Variants in ZNF37A observed in about 807,000 individuals in gnomAD.
ZNF37A encodes zinc finger protein 37a (KOX 21).
Under a neutral mutation model 12.3 loss-of-function variants are expected in ZNF37A, and 10 were observed. The observed-to-expected ratio is 0.82, with a 90% confidence interval of 0.50 to 1.38. The LOEUF (loss-of-function observed/expected upper bound fraction) is 1.38. Ranked by LOEUF, ZNF37A falls within the 40% of genes most tolerant of loss-of-function variation. The probability of loss-of-function intolerance (pLI) is 0.00; values close to 1 mark genes in which losing one functional copy is unlikely to be tolerated. For missense variants in ZNF37A, 580 were observed against 651.2 expected, an observed-to-expected ratio of 0.89 and a Z score of 1.19; for synonymous variants, 207 against 223.0, an observed-to-expected ratio of 0.93 and a Z score of 0.64.
chr10:38,146,467 T>C (rs1036498329), intron 7 of ZNF37A, among the ~76,000 whole-genome samples: 3 of 152,120 alleles, frequency 2.0e-5, no homozygotes, highest in Admixed American at 6.5e-5. Context: ...GACTTAGGGA[T>C]AAATTAATTA....
chr10:38,138,940 A>G (rs1042315870), intron 7 of ZNF37A: 1 of 152,164 alleles, frequency 6.6e-6, no homozygotes, highest in African/African-American at 2.4e-5. Flanking sequence ...CCTCTGGTTC[A>G]TTTTGAATAT....
Position 38,119,617 on chromosome 10 carries a change from T to TA in ZNF37A, c.*781dup, listed in dbSNP as rs1210069864. 2 of 169,354 alleles carry TA rather than the reference T, an allele frequency of 1.2e-5. No homozygotes were observed. Among genetic ancestry groups the TA allele is most frequent in the African/African-American group, 2.4e-5 (1 of 41,774 alleles). The allele number at this position is 169,354 out of a possible 1,614,324, so 10.5% of individuals were successfully genotyped here. A position where few individuals can be genotyped will look rare whatever the true frequency, so the allele number is the denominator to read the frequency against. ...GAGAAATAGCATTTTACTTTGTTAA[T>TA]ATCTAGTTTAGTTCATTGTCAAGAC... is the stretch of plus-strand genomic sequence containing the variant. On this transcript the variant is annotated 3_prime_UTR_variant, in exon 8 of 8. Coordinates refer to ENST00000685332, the MANE Select transcript of ZNF37A (RefSeq NM_001324250.3).
In ZNF37A at chr10:38,119,037, G is replaced by C; in HGVS notation, c.*200G>C. ...CATACACTATGTTACAAAACTAAAA[G>C]TGGAAAAAACTTATTGGTGAATGAA... On this transcript the variant is annotated 3_prime_UTR_variant, in exon 8 of 8. Transcript: ENST00000685332. 1 of 1,261,588 alleles carries C rather than the reference G, an allele frequency of 7.9e-7. No homozygotes were observed. The highest frequency in any genetic ancestry group is 1.0e-6 in the Non-Finnish European group (1 of 1,003,664). The allele number at this position is 1,261,588 out of a possible 1,614,324, so 78.1% of individuals were successfully genotyped here. A position where few individuals can be genotyped will look rare whatever the true frequency, so the allele number is the denominator to read the frequency against.
downstream of ZNF37A, among the ~76,000 whole-genome samples, chr10:38,127,301 G>A (rs780844241): frequency 3.3e-5 from 5 of 152,148 alleles, no homozygotes; most frequent in Non-Finnish European, 1.5e-5. Context: ...GGTCTAGAGC[G>A]AGGACCCTCA....
chr10:38,108,706 C>G (rs1316890674), intron 5 of ZNF37A, among the ~76,000 whole-genome samples: 2 of 152,258 alleles, frequency 1.3e-5, no homozygotes, highest in Non-Finnish European at 1.5e-5. Context: ...CTATAAACAC[C>G]TCTATGCAAA....
intron 5 of ZNF37A, among the ~76,000 whole-genome samples, chr10:38,113,324 T>C (rs2068979884): frequency 6.9e-6 from 1 of 144,808 alleles, no homozygotes; most frequent in Admixed American, 7.2e-5. Flanking sequence ...GCAATTCTCC[T>C]CCCTCAGCCT....
intron 7 of ZNF37A, chr10:38,140,230 G>A (rs1160343681): frequency 6.6e-6 from 1 of 152,126 alleles, no homozygotes; most frequent in Non-Finnish European, 1.5e-5. Flanking sequence ...TATTCCAAGA[G>A]GAAAAAGAAA....
intron 4 of ZNF37A, 103 bp from the exon 5 acceptor site, chr10:38,096,471 T>C: frequency 1.4e-6 from 1 of 727,162 alleles, no homozygotes; most frequent in Non-Finnish European, 2.4e-6. Flanking sequence ...GCCAGAGTCA[T>C]GCATGGGCGT....
intron 5 of ZNF37A, among the ~76,000 whole-genome samples, chr10:38,100,429 C>T (rs1354212576): frequency 2.0e-5 from 3 of 152,132 alleles, no homozygotes; most frequent in African/African-American, 4.8e-5. Context: ...GCCTACAGAC[C>T]ATAGGAGACG....
chr10:38,119,497 T>C lies in ZNF37A; in HGVS notation c.*660T>C. The C allele has an allele frequency of 1.4e-6, 1 of 725,474 alleles. No individual in the cohort carries two copies. Among genetic ancestry groups the C allele is most frequent in the Non-Finnish European group, 1.7e-6 (1 of 592,642 alleles). The allele number at this position is 725,474 out of a possible 1,614,324, so 44.9% of individuals were successfully genotyped here. A position where few individuals can be genotyped will look rare whatever the true frequency, so the allele number is the denominator to read the frequency against. Reference sequence around the variant, plus strand: ...TTTTTAACTGTATCCAATGTGTGGATGTTTTAAGTTAAAATCTAAATTTAA... The same window carrying C: ...TTTTTAACTGTATCCAATGTGTGGACGTTTTAAGTTAAAATCTAAATTTAA... On this transcript the variant is annotated 3_prime_UTR_variant, in exon 8 of 8. Transcript: ENST00000685332.
chr10:38,096,771 G>T (rs1267119373), intron 5 of ZNF37A, 139 bp downstream of exon 5: 64 of 732,666 alleles, frequency 8.7e-5, no homozygotes, highest in Non-Finnish European at 1.3e-4. Context: ...TGGGTCAAAT[G>T]CAGCCTGCCG....
exon 8 of ZNF37A, chr10:38,148,789 T>A (rs1265569183): frequency 6.6e-6 from 1 of 152,180 alleles, no homozygotes; most frequent in Non-Finnish European, 1.5e-5. Context: ...GGTCTGCTTG[T>A]CTTGCCACAT....
intron 5 of ZNF37A, among the ~76,000 whole-genome samples, chr10:38,104,398 C>T (rs1233849833): frequency 6.6e-6 from 1 of 151,776 alleles, no homozygotes; most frequent in Non-Finnish European, 1.5e-5. Context: ...CAGGAATGTT[C>T]TGGGTGTACT....
chr10:38,138,278 G>C (rs1405676054), intron 7 of ZNF37A: 1 of 152,188 alleles, frequency 6.6e-6, no homozygotes, highest in African/African-American at 2.4e-5. Flanking sequence ...GCCTTCTGGG[G>C]ACAGTCAGCT....
At chr10:38,098,821 T>G (rs1472517971) in intron 5 of ZNF37A, among the ~76,000 whole-genome samples, 1 of 152,194 alleles carries the variant, frequency 6.6e-6, no homozygotes, top group Non-Finnish European at 1.5e-5. Context: ...TAATGGCCCA[T>G]AAGCCTAAAA....
intron 7 of ZNF37A, among the ~76,000 whole-genome samples, chr10:38,135,973 T>C (rs1590945721): frequency 6.6e-6 from 1 of 152,220 alleles, no homozygotes; most frequent in East Asian, 1.9e-4. Context: ...TCTAACTTTC[T>C]TTCATTTTAA....
chr10:38,101,597 T>C (rs1263267872), intron 5 of ZNF37A, among the ~76,000 whole-genome samples: 1 of 151,786 alleles, frequency 6.6e-6, no homozygotes, highest in Non-Finnish European at 1.5e-5. Context: ...CTTTTTTTTT[T>C]TTAATCAATA....
chr10:38,141,035 G>A (rs1380712722), intron 7 of ZNF37A: 1 of 152,220 alleles, frequency 6.6e-6, no homozygotes, highest in Non-Finnish European at 1.5e-5. Context: ...GATAGTGGCT[G>A]TTGGCAAGAT....
downstream of ZNF37A, among the ~76,000 whole-genome samples, chr10:38,129,319 A>AAAAAAAAAAAAAAAAAC: frequency 3.7e-4 from 43 of 116,192 alleles, no homozygotes; most frequent in African/African-American, 6.5e-4. Flanking sequence ...AAAAAAAAAA[A>AAAAAAAAAAAAAAAAAC]AAACTATTAT....
Sources: gnomAD v4.1 joint callset for allele counts (sites outside exome capture counted in the v4.1 genomes callset) on GRCh38, gnomAD v4.1.1 for gene constraint, MANE v1.5 for transcripts, NCBI Gene and HGNC (gene_info 2026-07-23, HGNC 2026-07-21) for gene names.